The following ZHX2 variants were observed in gnomAD, a reference collection of about 807,000 sequenced individuals.
ZHX2 encodes zinc fingers and homeoboxes protein 2.
Under a neutral mutation model 21.9 loss-of-function variants are expected in ZHX2, and 6 were observed. The observed-to-expected ratio is 0.27, with a 90% confidence interval of 0.15 to 0.54. The LOEUF is 0.54. ZHX2 is among the 20% of genes least tolerant of loss of function. ZHX2 has a pLI of 0.95. For missense variants in ZHX2, 908 were observed against 1,090.7 expected (o/e 0.83, Z 2.36); for synonymous variants, 434 against 437.1 (o/e 0.99, Z 0.09).
chr8:122,931,887 T>C (rs573469419), intron 2 of ZHX2, among the ~76,000 whole-genome samples: 1 of 152,204 alleles, frequency 6.6e-6, no homozygotes, highest in Admixed American at 6.5e-5. Flanking sequence ...TGAGAGATGA[T>C]GGTGCCTTGG....
At chr8:122,913,675 G>A (rs1271325651) in intron 2 of ZHX2, among the ~76,000 whole-genome samples, 3 of 152,212 alleles carry the variant, frequency 2.0e-5, no homozygotes, top group Non-Finnish European at 2.9e-5. Flanking sequence ...CCTAAACTCA[G>A]GGGATTCAGG....
At chr8:122,855,840 T>C (rs1225530560) in intron 1 of ZHX2, among the ~76,000 whole-genome samples, 1 of 152,216 alleles carries the variant, frequency 6.6e-6, no homozygotes, top group Admixed American at 6.5e-5. Flanking sequence ...TACCATGTTG[T>C]ACACAGGAAG....
intron 1 of ZHX2, among the ~76,000 whole-genome samples, chr8:122,835,518 A>G (rs1186736192): frequency 6.6e-6 from 1 of 152,196 alleles, no homozygotes; most frequent in African/African-American, 2.4e-5. Flanking sequence ...TAGGAAAAGA[A>G]GTGGATACTG....
chr8:122,858,996 G>A (rs557990393), intron 1 of ZHX2, among the ~76,000 whole-genome samples: 2 of 152,208 alleles, frequency 1.3e-5, no homozygotes, highest in South Asian at 2.1e-4. Flanking sequence ...GGAACAGAAG[G>A]CTCCACTCGG....
chr8:122,878,734 A>T (rs1464831230), intron 2 of ZHX2, among the ~76,000 whole-genome samples: 1 of 152,154 alleles, frequency 6.6e-6, no homozygotes, highest in African/African-American at 2.4e-5. Context: ...GGGAACAGTA[A>T]AGCACTGGGA....
chr8:122,805,091 A>G (rs1273440426), intron 1 of ZHX2, among the ~76,000 whole-genome samples: 1 of 151,684 alleles, frequency 6.6e-6, no homozygotes, highest in Admixed American at 6.6e-5. Flanking sequence ...GGTCCCCCAG[A>G]TGCACACCCC....
chr8:122,916,804 C>G (rs1820614906), intron 2 of ZHX2, among the ~76,000 whole-genome samples: 1 of 152,164 alleles, frequency 6.6e-6, no homozygotes, highest in African/African-American at 2.4e-5. Flanking sequence ...ACATCCACAT[C>G]CCTTCCAGAT....
intron 1 of ZHX2, among the ~76,000 whole-genome samples, chr8:122,840,701 A>C (rs1244893235): frequency 6.6e-6 from 1 of 152,106 alleles, no homozygotes; most frequent in African/African-American, 2.4e-5. Flanking sequence ...TCATGGAAGG[A>C]CCCTGGCCAG....
At chr8:122,909,078 G>A (rs1308751582) in intron 2 of ZHX2, among the ~76,000 whole-genome samples, 1 of 152,176 alleles carries the variant, frequency 6.6e-6, no homozygotes, top group Non-Finnish European at 1.5e-5. Flanking sequence ...TCAAACACAT[G>A]GTGGCTTAAA....
chr8:122,950,751 GT>G (rs1813089698), intron 2 of ZHX2, among the ~76,000 whole-genome samples: 1 of 151,888 alleles, frequency 6.6e-6, no homozygotes, highest in African/African-American at 2.4e-5. Context: ...ATGGGAAACT[GT>G]TTAAGTGAGA....
chr8:122,861,605 A>T (rs1819169988), intron 1 of ZHX2, among the ~76,000 whole-genome samples: 1 of 152,116 alleles, frequency 6.6e-6, no homozygotes, highest in Non-Finnish European at 1.5e-5. Flanking sequence ...GAGTATCGTA[A>T]ATCTATGCTG....
At chr8:122,780,478 G>T (rs1002987299), upstream of ZHX2, 2 of 152,364 alleles carry the variant, frequency 1.3e-5, no homozygotes, top group Non-Finnish European at 2.9e-5. Flanking sequence ...AGCCCAGGGG[G>T]AAACAAGGTA....
intron 2 of ZHX2, among the ~76,000 whole-genome samples, chr8:122,894,477 T>C (rs1820050647): frequency 6.6e-6 from 1 of 152,220 alleles, no homozygotes; most frequent in Non-Finnish European, 1.5e-5. Context: ...ATCCATCTTA[T>C]GAGTTCATGT....
intron 1 of ZHX2, among the ~76,000 whole-genome samples, chr8:122,817,270 G>A (rs896655787): frequency 5.3e-5 from 8 of 152,150 alleles, no homozygotes; most frequent in African/African-American, 9.7e-5. Flanking sequence ...CCTCCTTAGC[G>A]ATTCTTATCA....
chr8:122,881,522 T>A (rs1192091892), intron 2 of ZHX2, among the ~76,000 whole-genome samples: 1 of 152,240 alleles, frequency 6.6e-6, no homozygotes, highest in African/African-American at 2.4e-5. Flanking sequence ...TAGAACAATA[T>A]CTGGAGTAAA....
intron 2 of ZHX2, among the ~76,000 whole-genome samples, chr8:122,935,342 A>G (rs781034032): frequency 6.6e-6 from 1 of 152,064 alleles, no homozygotes; most frequent in Non-Finnish European, 1.5e-5. Flanking sequence ...CTTTGGGGAG[A>G]ATATGAATTT....
At chr8:122,902,090 A>G (rs1820244132) in intron 2 of ZHX2, among the ~76,000 whole-genome samples, 1 of 152,142 alleles carries the variant, frequency 6.6e-6, no homozygotes, top group Admixed American at 6.5e-5. Context: ...GCATAAACCT[A>G]CTTTAGATGA....
At chr8:122,972,990 ACT>A (rs1466576616) in intron 3 of ZHX2, among the ~76,000 whole-genome samples, 1 of 152,128 alleles carries the variant, frequency 6.6e-6, no homozygotes, top group South Asian at 2.1e-4. Context: ...CCAGAAAGTC[ACT>A]CTGTTTTCAA....
At chr8:122,893,531 C>T (rs80013342) in intron 2 of ZHX2, among the ~76,000 whole-genome samples, 7,525 of 151,754 alleles carry the variant, frequency 0.05, 606 homozygotes, top group African/African-American at 0.17. Flanking sequence ...TTTAAAAAAA[C>T]GAAAAGTTTG....
Sources: allele counts gnomAD v4.1 joint callset (sites outside exome capture counted in the v4.1 genomes callset), GRCh38; gene constraint gnomAD v4.1.1; transcripts MANE v1.5; gene names NCBI Gene and HGNC (gene_info 2026-07-23, HGNC 2026-07-21).